NPFFR1: variants seen among roughly 807,000 people sequenced by gnomAD.
The protein encoded by NPFFR1 is neuropeptide FF receptor 1, also known as G-protein coupled receptor 147.
NPFFR1 carries 17 observed loss-of-function variants against 12.7 expected under a neutral mutation model. The observed-to-expected ratio is 1.34, with a 90% CI of 0.92 to 2.01. The LOEUF (loss-of-function observed/expected upper bound fraction) is 2.01. Among genes scored for constraint, NPFFR1 ranks in the 30% most tolerant of loss-of-function variants. NPFFR1 has a pLI of 0.00. For synonymous variants in NPFFR1, 296 were observed against 264.5 expected, an observed-to-expected ratio of 1.12 and a Z score of -1.16; for missense variants, 604 against 606.5, an observed-to-expected ratio of 1.00 and a Z score of 0.04.
At chr10:70,256,239 G>A (rs1840571919) in intron 3 of NPFFR1, among the ~76,000 whole-genome samples, 1 of 151,954 alleles carries the variant, frequency 6.6e-6, no homozygotes, top group African/African-American at 2.4e-5. Flanking sequence ...CTGCCACCTC[G>A]CCGGCTAATT....
At position 70,251,160 on chromosome 10, in the gene NPFFR1, C is replaced by T. The variant is rs1233078926; in HGVS notation, c.*3797G>A. The T allele has an allele frequency of 6.6e-6, 1 of 152,256 alleles. No individual in the cohort carries two copies. Among genetic ancestry groups the T allele is most frequent in the African/African-American group, 2.4e-5 (1 of 41,462 alleles). 9.4% of individuals were successfully genotyped at this position (152,256 alleles called of 1,614,324 possible). ...TTTAGACCGCCTCCTTCTCATCTATCTTTCATCAGTGACACTTCTGAGGGG... is the reference window on the plus strand; with the variant it reads ...TTTAGACCGCCTCCTTCTCATCTATTTTTCATCAGTGACACTTCTGAGGGG... On this transcript the variant is annotated 3_prime_UTR_variant, in exon 4 of 4. Coordinates refer to ENST00000277942, the MANE Select transcript of NPFFR1 (RefSeq NM_022146.5).
chr10:70,282,772 G>A (rs1033338370), intron 1 of NPFFR1, among the ~76,000 whole-genome samples: 4 of 152,106 alleles, frequency 2.6e-5, no homozygotes, highest in Admixed American at 2.0e-4. Context: ...GACAGTGGAC[G>A]AGCCCTTGGT....
intron 3 of NPFFR1, among the ~76,000 whole-genome samples, chr10:70,257,288 A>G (rs1359656567): frequency 3.3e-5 from 5 of 152,232 alleles, no homozygotes. Context: ...ACTTTAAACA[A>G]TTGCTTTGCT....
chr10:70,265,481 C>T (rs1162315552), intron 2 of NPFFR1, among the ~76,000 whole-genome samples: 1 of 152,194 alleles, frequency 6.6e-6, no homozygotes, highest in Non-Finnish European at 1.5e-5. Flanking sequence ...GCCGGCCAGT[C>T]CCTGCTTAGA....
chr10:70,278,296 T>G, intron 1 of NPFFR1, among the ~76,000 whole-genome samples: 1 of 139,010 alleles, frequency 7.2e-6, no homozygotes. Flanking sequence ...GGACCTCCCC[T>G]ACCCACCCCC....
At chr10:70,280,106 A>G (rs1428699759) in intron 1 of NPFFR1, among the ~76,000 whole-genome samples, 2 of 152,170 alleles carry the variant, frequency 1.3e-5, no homozygotes, top group African/African-American at 2.4e-5. Flanking sequence ...TACATACCCC[A>G]TGTTCCTCAT....
chr10:70,273,726 T>C (rs1467689141), intron 1 of NPFFR1, among the ~76,000 whole-genome samples: 2 of 152,190 alleles, frequency 1.3e-5, no homozygotes, highest in Non-Finnish European at 2.9e-5. Flanking sequence ...CCTCTGAGTC[T>C]TCATAACACA....
At chr10:70,281,156 T>G (rs1260527434) in intron 1 of NPFFR1, among the ~76,000 whole-genome samples, 2 of 152,024 alleles carry the variant, frequency 1.3e-5, no homozygotes, top group African/African-American at 4.8e-5. Flanking sequence ...GGGTGAATGG[T>G]TCCTCAAATT....
rs967851142 is a variant in NPFFR1 at position 70,247,630 on chromosome 10, G to A, written c.*7327C>T. 6.6e-6 allele frequency: 1 copy of A among 152,200 alleles called. No homozygotes were observed. Among genetic ancestry groups the A allele is most frequent in the Non-Finnish European group, 1.5e-5 (1 of 68,032 alleles). 9.4% of individuals were successfully genotyped at this position (152,200 alleles called of 1,614,324 possible). A position where few individuals can be genotyped will look rare whatever the true frequency, so the allele number is the denominator to read the frequency against. ...GGGGAGAGTGATTACTCCTCAAACA[G>A]AGAGTGATTTAACACCACCACTGGC... On this transcript the variant is annotated 3_prime_UTR_variant, in exon 4 of 4. Coordinates refer to ENST00000277942, the MANE Select transcript of NPFFR1 (RefSeq NM_022146.5).
In NPFFR1 at chr10:70,255,706, C is replaced by G; in HGVS notation, c.544G>C (p.Val182Leu). The change falls in exon 4 of 4, where the codon GTC becomes CTC. Residue 182 changes from valine (V) to leucine (L), a missense_variant. Physicochemically the swap from Val to Leu is conservative, Grantham distance 32. Transcript: ENST00000277942. The surrounding 1 kb of genome is among the most constrained non-coding windows in gnomAD (Gnocchi z 4.2). ...IMCPSAVTLT[V>L]TREEHHFMVD... ...ATGAAGTGGTGCTCCTCACGGGTGA[C>G]GGTCAGCGTGACGGCCGAGGGACAC... 6.2e-7 allele frequency: 1 copy of G among 1,607,474 alleles called. No homozygotes were observed. Among genetic ancestry groups the G allele is most frequent in the South Asian group, 1.1e-5 (1 of 89,680 alleles).
intron 1 of NPFFR1, among the ~76,000 whole-genome samples, chr10:70,277,389 C>A (rs1307664061): frequency 6.6e-6 from 1 of 152,186 alleles, no homozygotes; most frequent in Non-Finnish European, 1.5e-5. Flanking sequence ...CTTGTTGTCT[C>A]CCTGCTCAAT....
rs1564592704 is a variant in NPFFR1, at chr10:70,255,347, C to T, written c.903G>A (p.Pro301=). 1.3e-6 allele frequency: 2 copies of T among 1,569,170 alleles called. No individual in the cohort carries two copies. The highest frequency in any genetic ancestry group is 1.2e-5 in the South Asian group (1 of 85,752). Residue 301 remains proline, a synonymous_variant, in exon 4 of 4, where the codon CCG becomes CCA. Coordinates refer to ENST00000277942, the MANE Select transcript of NPFFR1 (RefSeq NM_022146.5). This position sits in a 1 kb window ranked among gnomAD's most constrained non-coding sequence, Gnocchi z 4.2. Reference sequence around the variant, plus strand: ...CGTAGACGGTGACCAGGTGCAGCTGCGGCGCGCTGAGCTGCCCGTAGTCGA... The same window carrying T: ...CGTAGACGGTGACCAGGTGCAGCTGTGGCGCGCTGAGCTGCCCGTAGTCGA... ...LLIDYGQLSA[P]QLHLVTVYAF... is the part of the protein sequence containing the mutation.
intron 2 of NPFFR1, among the ~76,000 whole-genome samples, chr10:70,265,530 A>ACT (rs566663013): frequency 6.6e-6 from 1 of 151,930 alleles, no homozygotes; most frequent in Non-Finnish European, 1.5e-5. Context: ...TACAGGCAGG[A>ACT]CTCTCTTCTG....
chr10:70,271,314 A>G (rs2136804682), intron 1 of NPFFR1, among the ~76,000 whole-genome samples: 1 of 152,172 alleles, frequency 6.6e-6, no homozygotes, highest in Non-Finnish European at 1.5e-5. Flanking sequence ...GGGGTTTGAG[A>G]CCAGCCTGAG....
intron 1 of NPFFR1, among the ~76,000 whole-genome samples, chr10:70,274,807 A>C (rs1840785067): frequency 6.6e-6 from 1 of 152,232 alleles, no homozygotes; most frequent in Non-Finnish European, 1.5e-5. Context: ...TGCATTAGCT[A>C]TCTGCCAGGC....
chr10:70,280,258 G>C (rs1465436166), intron 1 of NPFFR1, among the ~76,000 whole-genome samples: 1 of 152,130 alleles, frequency 6.6e-6, no homozygotes, highest in Non-Finnish European at 1.5e-5. Context: ...GAACTTGCTG[G>C]ATCATATGGT....
At position 70,266,099 on chromosome 10, in the gene NPFFR1, G is replaced by A. The variant is rs749138174; in HGVS notation, c.300C>T (p.Thr100=). Residue 100 remains threonine, a synonymous_variant, in exon 2 of 4, where the codon ACC becomes ACT. Coordinates refer to ENST00000277942, the MANE Select transcript of NPFFR1 (RefSeq NM_022146.5). ...CACCAGTGATGAGGTTGTCCACAAG[G>A]GTGGTGGGCATGCAGAAGATGCCCA... ...LLVGIFCMPT[T]LVDNLITGWP... is the part of the protein sequence containing the mutation. 2 of 1,613,944 alleles carry A rather than the reference G, an allele frequency of 1.2e-6. No homozygotes were observed. Among genetic ancestry groups the A allele is most frequent in the East Asian group, 2.2e-5 (1 of 44,878 alleles).
chr10:70,255,225 G>T lies in NPFFR1; in HGVS notation c.1025C>A (p.Ala342Asp). The change falls in exon 4 of 4, where the codon GCC (alanine) becomes GAC (aspartate). Residue 342 changes from alanine (A) to aspartate (D), a missense_variant. Transcript: ENST00000277942. The surrounding 1 kb of genome is among the most constrained non-coding windows in gnomAD (Gnocchi z 4.2). Reference sequence around the variant, plus strand: ...CGGGCAGAGGCGGGCGCGGAAGGCGGCCTGGAAGCCGCGGCGGAAGTTCTC... The same window carrying T: ...CGGGCAGAGGCGGGCGCGGAAGGCGTCCTGGAAGCCGCGGCGGAAGTTCTC... ...FNENFRRGFQ[A>D]AFRARLCPRP... 1.9e-6 allele frequency: 3 copies of T among 1,552,104 alleles called. No homozygotes were observed. Among genetic ancestry groups the T allele is most frequent in the Non-Finnish European group, 2.6e-6 (3 of 1,153,262 alleles).
intron 1 of NPFFR1, among the ~76,000 whole-genome samples, chr10:70,281,834 A>T (rs980372043): frequency 4.6e-5 from 7 of 152,178 alleles, no homozygotes; most frequent in African/African-American, 1.7e-4. Context: ...CACTGTGATG[A>T]ACATGCTCAG....
Sources: gnomAD v4.1 joint callset for allele counts (sites outside exome capture counted in the v4.1 genomes callset) on GRCh38, gnomAD v4.1.1 for gene constraint, Gnocchi (gnomAD v3.1) non-coding constraint, MANE v1.5 for transcripts, NCBI Gene and HGNC (gene_info 2026-07-23, HGNC 2026-07-21) for gene names.